The following NCOA1 variants were observed in gnomAD, a reference collection of about 807,000 sequenced individuals.
NCOA1 encodes nuclear receptor coactivator 1.
Under a neutral mutation model 150.9 loss-of-function variants are expected in NCOA1, and 35 were observed. That is an observed-to-expected ratio of 0.23 (90% CI 0.18 to 0.31). The LOEUF is 0.31. NCOA1 is among the 10% of genes least tolerant of loss of function. The pLI, the probability that NCOA1 is intolerant of heterozygous loss-of-function variation, is 1.00. For synonymous variants in NCOA1, 590 were observed against 630.0 expected, an observed-to-expected ratio of 0.94 and a Z score of 0.95; for missense variants, 1,491 against 1,749.3, an observed-to-expected ratio of 0.85 and a Z score of 2.63.
Position 24,729,740 on chromosome 2 carries a change from A to G in NCOA1, c.3126A>G (p.Gln1042=), listed in dbSNP as rs753614312. 4 of 1,614,194 alleles carry G rather than the reference A, an allele frequency of 2.5e-6. No individual in the cohort carries two copies. In the East Asian group the frequency reaches 6.7e-5, roughly 27 times the overall value. The change falls in exon 17 of 23, where the codon CAA becomes CAG. Residue 1042 remains glutamine (Q), a synonymous_variant. Transcript: ENST00000348332. ...FSPGMGMQPR[Q]TLNRPPAAPN... ...CTGGCATGGGCATGCAGCCCAGGCAAACTCTAAACAGACCTCCGGCTGCAC... is the reference window on the plus strand; with the variant it reads ...CTGGCATGGGCATGCAGCCCAGGCAGACTCTAAACAGACCTCCGGCTGCAC...
At chr2:24,628,134 T>C (rs1022886819) in intron 3 of NCOA1, among the ~76,000 whole-genome samples, 1 of 152,092 alleles carries the variant, frequency 6.6e-6, no homozygotes, top group Non-Finnish European at 1.5e-5. Context: ...ACCCCGTCTC[T>C]ACTAAAAATA....
chr2:24,665,297 A>G (rs1671366884), intron 5 of NCOA1, among the ~76,000 whole-genome samples: 1 of 152,328 alleles, frequency 6.6e-6, no homozygotes, highest in African/African-American at 2.4e-5. Context: ...AGAGTTTATC[A>G]GAGTTATTGG....
chr2:24,553,833 G>T (rs1665964595), intron 1 of NCOA1, among the ~76,000 whole-genome samples: 1 of 152,166 alleles, frequency 6.6e-6, no homozygotes, highest in Non-Finnish European at 1.5e-5. Flanking sequence ...CTTGTTTCTG[G>T]AAGAGTTTTT....
chr2:24,611,070 A>G (rs940679668), intron 3 of NCOA1, among the ~76,000 whole-genome samples: 3 of 152,170 alleles, frequency 2.0e-5, no homozygotes, highest in Admixed American at 6.5e-5. Context: ...TGAGCATAGT[A>G]CCCAACAGTT....
intron 1 of NCOA1, among the ~76,000 whole-genome samples, chr2:24,523,357 A>G (rs1664500715): frequency 6.6e-6 from 1 of 152,116 alleles, no homozygotes; most frequent in Non-Finnish European, 1.5e-5. Context: ...CTGTAATCCC[A>G]GCACTTTGGG....
At chr2:24,621,526 G>A (rs1273694134) in intron 3 of NCOA1, among the ~76,000 whole-genome samples, 1 of 140,282 alleles carries the variant, frequency 7.1e-6, no homozygotes, top group Non-Finnish European at 1.5e-5. Flanking sequence ...GAGTGCAATG[G>A]TGCGATCTCA....
Position 24,728,176 on chromosome 2 carries a change from A to G in NCOA1, c.2718-132A>G, listed in dbSNP as rs1173808717. On this transcript the variant is annotated intron_variant, in intron 15 of 22. Transcript: ENST00000348332. Reference sequence around the variant, plus strand: ...CTACACATTAAACATAGAACATTCCATGGCATTAGAATTGCCAAGCATCTC... The same window carrying G: ...CTACACATTAAACATAGAACATTCCGTGGCATTAGAATTGCCAAGCATCTC... 7 of 611,382 alleles carry G rather than the reference A, an allele frequency of 1.1e-5. No individual in the cohort carries two copies. The East Asian group carries it at 1.5e-4, about 13-fold the overall frequency. The allele number at this position is 611,382 out of a possible 1,614,324, so 37.9% of individuals were successfully genotyped here.
intron 6 of NCOA1, among the ~76,000 whole-genome samples, chr2:24,666,304 G>A (rs56334145): frequency 0.054 from 8,135 of 152,010 alleles, 299 homozygotes; most frequent in East Asian, 0.19. Context: ...GTGAGCCACC[G>A]CACCTGGCCT....
At chr2:24,590,050 A>G (rs1013463303) in intron 3 of NCOA1, among the ~76,000 whole-genome samples, 1 of 152,160 alleles carries the variant, frequency 6.6e-6, no homozygotes, top group African/African-American at 2.4e-5. Context: ...ACTCTTTTCA[A>G]TCTTGGCCAG....
At chr2:24,758,894 A>G (rs55803937) in intron 21 of NCOA1, among the ~76,000 whole-genome samples, 24,146 of 151,976 alleles carry the variant, frequency 0.16, 2,215 homozygotes, top group Non-Finnish European at 0.21. Flanking sequence ...AGGCTGAGGC[A>G]TGAGAATTGC....
chr2:24,613,386 C>T (rs1351605170), intron 3 of NCOA1, among the ~76,000 whole-genome samples: 6 of 152,128 alleles, frequency 3.9e-5, no homozygotes, highest in Admixed American at 3.3e-4. Flanking sequence ...TTGCTCAGCC[C>T]CAGGGGAGTG....
chr2:24,673,376 A>G lies in NCOA1; in HGVS notation c.267A>G (p.Thr89=). Residue 89 remains threonine, a synonymous_variant, in exon 7 of 23, where the codon ACA becomes ACG. Transcript: ENST00000348332. ...LMKRMEQEKS[T]TDDDVQKSDI... is the part of the protein sequence containing the mutation. ...GTTTCTTTATTATAGAGAAATCAAC[A>G]ACTGATGACGATGTACAGAAATCAG... 1 of 1,568,634 alleles carries G rather than the reference A, an allele frequency of 6.4e-7. No homozygotes were observed. The highest frequency in any genetic ancestry group is 1.7e-4 in the Middle Eastern group (1 of 5,962).
At chr2:24,527,702 A>G (rs1158195133) in intron 1 of NCOA1, among the ~76,000 whole-genome samples, 2 of 152,204 alleles carry the variant, frequency 1.3e-5, no homozygotes, top group African/African-American at 4.8e-5. Context: ...TGCCTGAGTC[A>G]TGTGGTAATT....
At chr2:24,651,241 G>A (rs957712894) in intron 4 of NCOA1, among the ~76,000 whole-genome samples, 1 of 152,050 alleles carries the variant, frequency 6.6e-6, no homozygotes, top group African/African-American at 2.4e-5. Flanking sequence ...TCATAAAGCT[G>A]TCTGCACTCC....
chr2:24,573,720 A>G (rs1023179659), intron 2 of NCOA1, among the ~76,000 whole-genome samples: 1 of 152,124 alleles, frequency 6.6e-6, no homozygotes, highest in Non-Finnish European at 1.5e-5. Flanking sequence ...ACATATGTCC[A>G]TTCTCTCTGA....
chr2:24,528,164 T>C (rs552302327), intron 1 of NCOA1, among the ~76,000 whole-genome samples: 2 of 152,256 alleles, frequency 1.3e-5, no homozygotes, highest in Admixed American at 6.5e-5. Context: ...CAGGAGCTTT[T>C]TAGTTTGATA....
intron 3 of NCOA1, among the ~76,000 whole-genome samples, chr2:24,589,508 A>G (rs192927762): frequency 1.3e-4 from 20 of 152,310 alleles, no homozygotes; most frequent in African/African-American, 4.6e-4. Context: ...CATGAGAAAT[A>G]AGGGAGATGC....
chr2:24,599,062 G>A (rs1368372603), intron 3 of NCOA1, among the ~76,000 whole-genome samples: 4 of 152,076 alleles, frequency 2.6e-5, no homozygotes, highest in Non-Finnish European at 5.9e-5. Flanking sequence ...AGAATTGACA[G>A]AACTTTGTGA....
At chr2:24,558,125 G>A (rs1285018321) in intron 1 of NCOA1, among the ~76,000 whole-genome samples, 1 of 151,432 alleles carries the variant, frequency 6.6e-6, no homozygotes, top group Non-Finnish European at 1.5e-5. Flanking sequence ...CACAGCTCTT[G>A]AATACTCCAA....
Sources: gnomAD v4.1 joint callset for allele counts (sites outside exome capture counted in the v4.1 genomes callset) on GRCh38, gnomAD v4.1.1 for gene constraint, MANE v1.5 for transcripts, NCBI Gene and HGNC (gene_info 2026-07-23, HGNC 2026-07-21) for gene names.